BMPR1B: variants seen among roughly 807,000 people sequenced by gnomAD.
BMPR1B encodes bone morphogenetic protein receptor type 1B, also known as bone morphogenetic protein receptor type-1B.
BMPR1B carries 12 observed loss-of-function variants against 59.1 expected under a neutral mutation model. That is an observed-to-expected ratio of 0.20 (90% CI 0.13 to 0.33). The LOEUF (loss-of-function observed/expected upper bound fraction) is 0.33. BMPR1B is among the 10% of genes least tolerant of loss of function. The pLI is 1.00. For synonymous variants in BMPR1B, 237 were observed against 207.3 expected (o/e 1.14, Z -1.23); for missense variants, 550 against 610.9 (o/e 0.90, Z 1.05).
chr4:95,051,676 C>T (rs1418775300), intron 3 of BMPR1B: 2 of 1,534,414 alleles, frequency 1.3e-6, no homozygotes, highest in East Asian at 2.4e-5. Flanking sequence ...ACAGGCAGGG[C>T]ACATTGACTG....
At chr4:95,011,183 C>G (rs1723201505) in intron 3 of BMPR1B, among the ~76,000 whole-genome samples, 1 of 151,832 alleles carries the variant, frequency 6.6e-6, no homozygotes, top group Non-Finnish European at 1.5e-5. Flanking sequence ...TATTTCATCC[C>G]CCAGAGATTA....
chr4:94,923,850 T>C, intron 2 of BMPR1B, among the ~76,000 whole-genome samples: 1 of 152,116 alleles, frequency 6.6e-6, no homozygotes, highest in East Asian at 1.9e-4. Flanking sequence ...GTTCTAGATC[T>C]CTTTGACTGT....
chr4:95,051,640 G>A lies in BMPR1B; in HGVS notation c.-17-52768G>A, dbSNP rs543396051. ...CAGCAGAGGCGTCTCAGTGAAAGAC[G>A]GAAAGGCAAGAAACAGGAGGCTTAA... On this transcript the variant is annotated intron_variant, in intron 3 of 12. Coordinates refer to ENST00000515059, the MANE Select transcript of BMPR1B (RefSeq NM_001203.3). The A allele has an allele frequency of 1.4e-4, 205 of 1,493,480 alleles. No individual in the cohort carries two copies. In the African/African-American group the frequency reaches 2.4e-3, roughly 18 times the overall value. 92.5% of individuals were successfully genotyped at this position (1,493,480 alleles called of 1,614,324 possible). A position where few individuals can be genotyped will look rare whatever the true frequency, so the allele number is the denominator to read the frequency against.
rs754365645 is a variant in BMPR1B at position 95,104,494 on chromosome 4, A to G, written c.70A>G (p.Thr24Ala). Residue 24 changes from threonine (T) to alanine (A), a missense_variant, in exon 4 of 13, where the codon ACC becomes GCC. Coordinates refer to ENST00000515059, the MANE Select transcript of BMPR1B (RefSeq NM_001203.3). ...KKEDGESTAP[T>A]PRPKVLRCKC... ...AGAGGATGGTGAGAGTACAGCCCCC[A>G]CCCCCCGTCCAAAGGTCTTGCGTTG... 3.1e-6 allele frequency: 5 copies of G among 1,612,934 alleles called. No homozygotes were observed. Among genetic ancestry groups the G allele is most frequent in the Non-Finnish European group, 4.2e-6 (5 of 1,179,484 alleles).
At chr4:95,081,908 CAT>C (rs1283022408) in intron 3 of BMPR1B, among the ~76,000 whole-genome samples, 1 of 152,080 alleles carries the variant, frequency 6.6e-6, no homozygotes, top group African/African-American at 2.4e-5. Flanking sequence ...TTTGCAAAAA[CAT>C]AGAGCAATGC....
At position 95,114,622 on chromosome 4, in the gene BMPR1B, A is replaced by G. The variant is rs1429646648; in HGVS notation, c.144-98A>G. ...TGTTGCAATAAAACAAATGATACAC[A>G]TCACTTATTTCCTTTTCCCCTAGAC... On this transcript the variant is annotated intron_variant, in intron 4 of 12. Coordinates refer to ENST00000515059, the MANE Select transcript of BMPR1B (RefSeq NM_001203.3). 4 of 1,020,384 alleles carry G rather than the reference A, an allele frequency of 3.9e-6. No homozygotes were observed. The East Asian group carries it at 7.1e-5, about 18-fold the overall frequency. 63.2% of individuals were successfully genotyped at this position (1,020,384 alleles called of 1,614,324 possible). A position where few individuals can be genotyped will look rare whatever the true frequency, so the allele number is the denominator to read the frequency against.
At chr4:94,905,726 C>T (rs543064093) in intron 2 of BMPR1B, among the ~76,000 whole-genome samples, 36 of 152,120 alleles carry the variant, frequency 2.4e-4, no homozygotes, top group South Asian at 1.9e-3. Flanking sequence ...CTGCCTACCT[C>T]TGGCTTCTAT....
At chr4:94,803,356 T>C (rs565288467) in intron 1 of BMPR1B, among the ~76,000 whole-genome samples, 74 of 152,278 alleles carry the variant, frequency 4.9e-4, no homozygotes, top group African/African-American at 1.7e-3. Context: ...ACTCTGTATC[T>C]CCTCTGCCTG....
At chr4:95,086,665 A>G (rs974051709) in intron 3 of BMPR1B, among the ~76,000 whole-genome samples, 1 of 152,212 alleles carries the variant, frequency 6.6e-6, no homozygotes, top group Non-Finnish European at 1.5e-5. Flanking sequence ...CTGCTAAGGA[A>G]TAGATCTAAT....
At position 94,806,789 on chromosome 4, in the gene BMPR1B, G is replaced by C. The variant is rs78596475; in HGVS notation, c.-183+48721G>C. On this transcript the variant is annotated intron_variant, in intron 1 of 12. Coordinates refer to ENST00000515059, the MANE Select transcript of BMPR1B (RefSeq NM_001203.3). ...TAGCGTTGTCCCAAATAGTGTGTGG[G>C]ACATACTTATTTTAAATAATTATTT... 4.0e-3 allele frequency among the ~76,000 whole-genome samples: 614 copies of C among 152,200 alleles called. 4 individuals carry two copies. The highest frequency in any genetic ancestry group is 0.014 in the African/African-American group (589 of 41,512).
intron 3 of BMPR1B, among the ~76,000 whole-genome samples, chr4:95,061,310 A>T (rs900789109): frequency 1.3e-5 from 2 of 152,158 alleles, no homozygotes; most frequent in African/African-American, 4.8e-5. Flanking sequence ...GGATTGCCCC[A>T]TTCCATAATC....
At chr4:94,974,755 A>C (rs1730948434) in intron 2 of BMPR1B, among the ~76,000 whole-genome samples, 1 of 152,130 alleles carries the variant, frequency 6.6e-6, no homozygotes, top group South Asian at 2.1e-4. Flanking sequence ...ATGTCCCCAA[A>C]TCTCCTAGCA....
At chr4:95,103,699 T>C (rs1730983081) in intron 3 of BMPR1B, among the ~76,000 whole-genome samples, 1 of 151,998 alleles carries the variant, frequency 6.6e-6, no homozygotes. Context: ...ACCCAGAATA[T>C]CTCTTTCTAA....
At chr4:94,986,104 T>A (rs1453064557) in intron 2 of BMPR1B, among the ~76,000 whole-genome samples, 1 of 152,228 alleles carries the variant, frequency 6.6e-6, no homozygotes, top group African/African-American at 2.4e-5. Flanking sequence ...TTATTTTGAT[T>A]CATTGGTTTA....
intron 2 of BMPR1B, among the ~76,000 whole-genome samples, chr4:94,988,637 A>G (rs983318684): frequency 7.2e-5 from 11 of 152,180 alleles, no homozygotes; most frequent in African/African-American, 9.7e-5. Context: ...CAAATGACCT[A>G]TTTATTAACT....
chr4:94,892,853 C>T (rs1326426537), intron 2 of BMPR1B, among the ~76,000 whole-genome samples: 1 of 151,954 alleles, frequency 6.6e-6, no homozygotes, highest in African/African-American at 2.4e-5. Flanking sequence ...TGCATTTTGT[C>T]AATGGTATGT....
intron 1 of BMPR1B, among the ~76,000 whole-genome samples, chr4:94,772,727 A>G (rs1159268830): frequency 6.6e-6 from 1 of 152,210 alleles, no homozygotes; most frequent in Non-Finnish European, 1.5e-5. Context: ...TTGAACATAA[A>G]TAATCAGATG....
At chr4:94,920,763 G>A (rs953932402) in intron 2 of BMPR1B, among the ~76,000 whole-genome samples, 8 of 152,128 alleles carry the variant, frequency 5.3e-5, no homozygotes, top group African/African-American at 1.9e-4. Context: ...TTACATTTTT[G>A]GGAGAAATTC....
intron 2 of BMPR1B, among the ~76,000 whole-genome samples, chr4:94,965,531 A>G (rs2149070793): frequency 6.6e-6 from 1 of 152,334 alleles, no homozygotes; most frequent in East Asian, 1.9e-4. Context: ...TATATAAGAT[A>G]TTCCAAATTG....
Sources: allele counts gnomAD v4.1 joint callset (sites outside exome capture counted in the v4.1 genomes callset), GRCh38; gene constraint gnomAD v4.1.1; transcripts MANE v1.5; gene names NCBI Gene and HGNC (gene_info 2026-07-23, HGNC 2026-07-21).